Variants in PCDHGA5 observed in about 807,000 individuals in gnomAD.
PCDHGA5 encodes the protein protocadherin gamma subfamily A, 5.
A neutral mutation model predicts 56.7 loss-of-function variants in PCDHGA5; 36 were observed. The observed-to-expected ratio is 0.64, with a 90% CI of 0.49 to 0.84. PCDHGA5 has a LOEUF of 0.84. Ranked by LOEUF, PCDHGA5 falls within the 40% of genes least tolerant of loss-of-function variation. The pLI is 0.00. For missense variants in PCDHGA5, 1,305 were observed against 1,201.5 expected (o/e 1.09, Z -1.27); for synonymous variants, 563 against 520.2 (o/e 1.08, Z -1.12).
At chr5:141,380,730 T>C (rs1776691792) in intron 1 of PCDHGA5, among the ~76,000 whole-genome samples, 2 of 152,250 alleles carry the variant, frequency 1.3e-5, no homozygotes, top group Non-Finnish European at 2.9e-5. Context: ...CTTATTTCCT[T>C]TTCTCCAAAG....
intron 1 of PCDHGA5, chr5:141,384,575 C>T (rs754018989): frequency 8.7e-6 from 14 of 1,614,258 alleles, no homozygotes; most frequent in South Asian, 2.2e-5. Flanking sequence ...AATGACAACC[C>T]GCCCGAGATC....
At chr5:141,413,221 G>C (rs1384304697) in intron 1 of PCDHGA5, 1 of 1,613,570 alleles carries the variant, frequency 6.2e-7, no homozygotes, top group South Asian at 1.1e-5. Context: ...GGATTGCAGC[G>C]GGCTGGTCCT....
chr5:141,410,287 C>T (rs1277233674), intron 1 of PCDHGA5: 1 of 1,614,018 alleles, frequency 6.2e-7, no homozygotes, highest in East Asian at 2.2e-5. Context: ...TGGTGGTGGC[C>T]TTGGCCTTAA....
At chr5:141,455,449 G>A (rs1421095381) in intron 1 of PCDHGA5, among the ~76,000 whole-genome samples, 1 of 152,126 alleles carries the variant, frequency 6.6e-6, no homozygotes, top group Non-Finnish European at 1.5e-5. Flanking sequence ...CATCTACCGC[G>A]GATACCAGCC....
At chr5:141,369,716 T>C (rs1229829600) in intron 1 of PCDHGA5, among the ~76,000 whole-genome samples, 1 of 152,218 alleles carries the variant, frequency 6.6e-6, no homozygotes, top group Non-Finnish European at 1.5e-5. Flanking sequence ...TTATAACTTT[T>C]AGAAGTTAGA....
chr5:141,465,454 T>G (rs1031876441), intron 1 of PCDHGA5, among the ~76,000 whole-genome samples: 1 of 152,184 alleles, frequency 6.6e-6, no homozygotes, highest in African/African-American at 2.4e-5. Context: ...AAGAAAACTC[T>G]CACCAAATTG....
chr5:141,421,077 A>G (rs975269359), intron 1 of PCDHGA5: 1 of 619,100 alleles, frequency 1.6e-6, no homozygotes, highest in Non-Finnish European at 2.7e-6. Context: ...TGAGATGGAT[A>G]CTCACAGATC....
chr5:141,511,147 A>T lies in PCDHGA5; in HGVS notation c.2770A>T (p.Lys924Ter). The change falls in exon 4 of 4, where the codon AAG becomes TAG. Residue 924 changes from lysine to a stop codon, truncating the protein, a stop_gained. Coordinates refer to ENST00000518069, the MANE Select transcript of PCDHGA5 (RefSeq NM_018918.3). LOFTEE classifies it high-confidence loss of function. Reference sequence around the variant, plus strand: ...AGCAGGTGGCAATGGCAACAAGAAGAAGTCGGGCAAGAAGGAGAAGAAGTA... The same window carrying T: ...AGCAGGTGGCAATGGCAACAAGAAGTAGTCGGGCAAGAAGGAGAAGAAGTA... The part of the protein sequence containing the change: ...APAGGNGNKK[K>*]SGKKEKK 1 of 1,614,188 alleles carries T rather than the reference A, an allele frequency of 6.2e-7. No homozygotes were observed. Among genetic ancestry groups the T allele is most frequent in the East Asian group, 2.2e-5 (1 of 44,876 alleles).
chr5:141,473,431 G>A (rs541546681), intron 1 of PCDHGA5, among the ~76,000 whole-genome samples: 10 of 152,266 alleles, frequency 6.6e-5, no homozygotes, highest in Non-Finnish European at 1.3e-4. Flanking sequence ...CAGATACTTT[G>A]CTTATGCAAA....
intron 1 of PCDHGA5, among the ~76,000 whole-genome samples, chr5:141,457,920 C>T (rs1340816332): frequency 6.6e-6 from 1 of 150,868 alleles, no homozygotes; most frequent in Non-Finnish European, 1.5e-5. Flanking sequence ...GCCAGTTCTC[C>T]CCAAGGGGCT....
At chr5:141,419,658 A>T in intron 1 of PCDHGA5, 2 of 1,612,782 alleles carry the variant, frequency 1.2e-6, no homozygotes, top group Non-Finnish European at 1.7e-6. Flanking sequence ...GACTCGGGGC[A>T]CAATGCCTGG....
At chr5:141,372,885 A>G (rs1011969316) in intron 1 of PCDHGA5, 5 of 1,202,158 alleles carry the variant, frequency 4.2e-6, no homozygotes, top group Non-Finnish European at 4.5e-6. Flanking sequence ...AAAAGAATAC[A>G]GATTAAATAT....
At chr5:141,384,225 G>A (rs757132379) in intron 1 of PCDHGA5, 1 of 1,613,856 alleles carries the variant, frequency 6.2e-7, no homozygotes, top group Non-Finnish European at 8.5e-7. Context: ...TCATGCAGGT[G>A]GCAGACACCA....
In PCDHGA5 at chr5:141,415,732, T is replaced by C. The variant is rs1159160519; in HGVS notation, c.2421+48981T>C. 4 of 1,411,138 alleles carry C rather than the reference T, an allele frequency of 2.8e-6. No individual in the cohort carries two copies. In the South Asian group the frequency reaches 5.0e-5, roughly 18 times the overall value. The allele number at this position is 1,411,138 out of a possible 1,614,324, so 87.4% of individuals were successfully genotyped here. ...AACACTGATGAGTAGAATTTGATGT[T>C]TATTAAGGTTTTTTTTTTTTTTTTT... On this transcript the variant is annotated intron_variant, in intron 1 of 3. Coordinates refer to ENST00000518069, the MANE Select transcript of PCDHGA5 (RefSeq NM_018918.3).
At chr5:141,478,497 C>T in intron 1 of PCDHGA5, 1 of 1,612,820 alleles carries the variant, frequency 6.2e-7, no homozygotes, top group Non-Finnish European at 8.5e-7. Context: ...AGCTGTGATC[C>T]GGTGTTCTAT....
intron 1 of PCDHGA5, chr5:141,371,507 A>G: frequency 6.2e-7 from 1 of 1,613,910 alleles, no homozygotes; most frequent in Non-Finnish European, 8.5e-7. Context: ...TGATCAAAAC[A>G]CATGATCTAG....
At chr5:141,423,975 A>G in intron 1 of PCDHGA5, 2 of 1,126,024 alleles carry the variant, frequency 1.8e-6, no homozygotes, top group Non-Finnish European at 2.2e-6. Flanking sequence ...TTATCAGTGT[A>G]TGAGGCTCTC....
rs756706355 is a variant in PCDHGA5 at position 141,486,950 on chromosome 5, G to A, written c.2422-7857G>A. On this transcript the variant is annotated intron_variant, in intron 1 of 3. Transcript: ENST00000518069. This position sits in a 1 kb window ranked among gnomAD's most constrained non-coding sequence, Gnocchi z 5.0. The stretch of plus-strand genomic sequence containing the variant: ...TGGTGCTGGCCACCTAATCACAAAG[G>A]TGACTGCTGTGGACTTGGATTCAGG... 2 of 1,614,202 alleles carry A rather than the reference G, an allele frequency of 1.2e-6. No homozygotes were observed. The highest frequency in any genetic ancestry group is 1.7e-6 in the Non-Finnish European group (2 of 1,180,044).
intron 1 of PCDHGA5, chr5:141,389,298 G>C (rs1440320819): frequency 6.2e-7 from 1 of 1,614,030 alleles, no homozygotes; most frequent in Non-Finnish European, 8.5e-7. Context: ...TATTTCACAA[G>C]TCAGGGCTTC....
Sources: allele counts gnomAD v4.1 joint callset (sites outside exome capture counted in the v4.1 genomes callset), GRCh38; gene constraint gnomAD v4.1.1; non-coding constraint Gnocchi (gnomAD v3.1); transcripts MANE v1.5; gene names NCBI Gene and HGNC (gene_info 2026-07-23, HGNC 2026-07-21).